The following CNTNAP2 variants were observed in gnomAD, a reference collection of about 807,000 sequenced individuals.
CNTNAP2 encodes the protein contactin-associated protein-like 2.
CNTNAP2 carries 98 observed loss-of-function variants against 155.2 expected under a neutral mutation model. The ratio of observed to expected loss-of-function variants is 0.63; its 90% CI spans 0.54 to 0.75. The LOEUF is 0.75. Among genes scored for constraint, CNTNAP2 ranks in the 30% least tolerant of loss-of-function variants. The probability of loss-of-function intolerance (pLI) is 0.00; values close to 1 mark genes in which losing one functional copy is unlikely to be tolerated. For synonymous variants in CNTNAP2, 651 were observed against 631.2 expected (o/e 1.03, Z -0.47); for missense variants, 1,727 against 1,688.1 (o/e 1.02, Z -0.40).
At chr7:146,342,564 G>A (rs1794747631) in intron 1 of CNTNAP2, among the ~76,000 whole-genome samples, 1 of 152,020 alleles carries the variant, frequency 6.6e-6, no homozygotes, top group Admixed American at 6.6e-5. Context: ...CACTAATTAA[G>A]GGTAAAAAAC....
intron 1 of CNTNAP2, among the ~76,000 whole-genome samples, chr7:146,392,668 A>G (rs1056851895): frequency 1.2e-4 from 18 of 152,158 alleles, no homozygotes; most frequent in African/African-American, 4.1e-4. Context: ...TCACACAAGA[A>G]TATATTTTTT....
intron 1 of CNTNAP2, among the ~76,000 whole-genome samples, chr7:146,377,245 A>C (rs1795316270): frequency 6.6e-6 from 1 of 152,148 alleles, no homozygotes; most frequent in Non-Finnish European, 1.5e-5. Context: ...ACTTTGAATT[A>C]TACAATACTG....
At chr7:148,295,685 G>A (rs1014423684) in intron 21 of CNTNAP2, among the ~76,000 whole-genome samples, 1 of 150,980 alleles carries the variant, frequency 6.6e-6, no homozygotes, top group African/African-American at 2.5e-5. Flanking sequence ...TAGAGACAGG[G>A]TTTCACCGTG....
At chr7:148,048,816 C>A (rs77190116) in intron 15 of CNTNAP2, among the ~76,000 whole-genome samples, 3 of 152,234 alleles carry the variant, frequency 2.0e-5, no homozygotes, top group African/African-American at 7.2e-5. Context: ...TGATGTGAGT[C>A]TCAGAGTAGG....
At chr7:147,942,803 C>G (rs372540228) in intron 14 of CNTNAP2, among the ~76,000 whole-genome samples, 13 of 152,154 alleles carry the variant, frequency 8.5e-5, no homozygotes, top group East Asian at 1.9e-4. Context: ...TTTGGGAGGC[C>G]GAGGTGGGCG....
intron 13 of CNTNAP2, among the ~76,000 whole-genome samples, chr7:147,869,096 C>T (rs140217210): frequency 2.2e-4 from 34 of 152,302 alleles, no homozygotes; most frequent in African/African-American, 7.7e-4. Context: ...CCTCTTCGGC[C>T]GTCTTGGAAT....
chr7:147,249,031 A>G (rs775482426), intron 8 of CNTNAP2, among the ~76,000 whole-genome samples: 1 of 152,186 alleles, frequency 6.6e-6, no homozygotes, highest in Non-Finnish European at 1.5e-5. Flanking sequence ...ACACATACAA[A>G]ATTTCTGAAT....
At chr7:146,970,594 C>T (rs1232081585) in intron 3 of CNTNAP2, among the ~76,000 whole-genome samples, 4 of 151,896 alleles carry the variant, frequency 2.6e-5, no homozygotes, top group Non-Finnish European at 5.9e-5. Context: ...GAAATAGGAA[C>T]ACTTTTACAC....
intron 14 of CNTNAP2, among the ~76,000 whole-genome samples, chr7:147,975,838 C>A (rs1208326933): frequency 1.3e-5 from 2 of 152,128 alleles, no homozygotes; most frequent in East Asian, 3.9e-4. Context: ...AGTTGCCTAC[C>A]ATGATAGTCA....
chr7:146,255,448 T>A (rs1453417907), intron 1 of CNTNAP2, among the ~76,000 whole-genome samples: 1 of 152,242 alleles, frequency 6.6e-6, no homozygotes, highest in East Asian at 1.9e-4. Context: ...AGAGGCTGAC[T>A]TGATATTAGA....
chr7:147,170,980 C>A (rs1372184460), intron 8 of CNTNAP2, among the ~76,000 whole-genome samples: 2 of 152,106 alleles, frequency 1.3e-5, no homozygotes, highest in East Asian at 3.9e-4. Flanking sequence ...GAGACGGGTG[C>A]CTATAGCTGG....
At chr7:146,553,079 C>G (rs1261963323) in intron 1 of CNTNAP2, among the ~76,000 whole-genome samples, 1 of 152,100 alleles carries the variant, frequency 6.6e-6, no homozygotes, top group African/African-American at 2.4e-5. Context: ...GGAGAGAAAG[C>G]TCTTTGAGAC....
At chr7:147,979,783 C>G (rs768354296) in intron 15 of CNTNAP2, among the ~76,000 whole-genome samples, 1 of 151,948 alleles carries the variant, frequency 6.6e-6, no homozygotes, top group African/African-American at 2.4e-5. Flanking sequence ...CCACCATGCC[C>G]GACTGATTTT....
chr7:148,087,827 C>T (rs1269236498), intron 15 of CNTNAP2, among the ~76,000 whole-genome samples: 1 of 152,022 alleles, frequency 6.6e-6, no homozygotes, highest in African/African-American at 2.4e-5. Flanking sequence ...AGTGCTGCTG[C>T]TTAACTATAT....
At chr7:146,469,052 T>C (rs1283540421) in intron 1 of CNTNAP2, among the ~76,000 whole-genome samples, 1 of 152,216 alleles carries the variant, frequency 6.6e-6, no homozygotes, top group Non-Finnish European at 1.5e-5. Flanking sequence ...GTTAGGACAA[T>C]TTTTAAAACA....
chr7:147,338,959 TTAA>T (rs1460167221), intron 9 of CNTNAP2, among the ~76,000 whole-genome samples: 3 of 152,116 alleles, frequency 2.0e-5, no homozygotes, highest in Admixed American at 2.0e-4. Flanking sequence ...TAATTAAAAA[TTAA>T]TAAAATCATC....
intron 1 of CNTNAP2, among the ~76,000 whole-genome samples, chr7:146,351,212 C>T (rs1345636440): frequency 1.3e-5 from 2 of 151,134 alleles, no homozygotes; most frequent in Non-Finnish European, 2.9e-5. Flanking sequence ...TTCATGTGAA[C>T]AGAAGACTGA....
At chr7:147,742,974 A>T (rs1048140324) in intron 13 of CNTNAP2, among the ~76,000 whole-genome samples, 2 of 152,220 alleles carry the variant, frequency 1.3e-5, no homozygotes, top group Admixed American at 6.5e-5. Flanking sequence ...GTGTGCTCCT[A>T]TGAGAATTTC....
intron 15 of CNTNAP2, among the ~76,000 whole-genome samples, chr7:148,106,503 T>G (rs1247019245): frequency 5.6e-5 from 8 of 142,558 alleles, no homozygotes; most frequent in Middle Eastern, 3.6e-3. Context: ...GATATATATA[T>G]ATATATATAT....
Sources: allele counts gnomAD v4.1 joint callset (sites outside exome capture counted in the v4.1 genomes callset), GRCh38; gene constraint gnomAD v4.1.1; transcripts MANE v1.5; gene names NCBI Gene and HGNC (gene_info 2026-07-23, HGNC 2026-07-21).